Variants in VCL observed in about 807,000 individuals in gnomAD.
The protein encoded by VCL is vinculin, also known as epididymis luminal protein 114.
A neutral mutation model predicts 125.7 loss-of-function variants in VCL; 47 were observed. The observed-to-expected ratio is 0.37, with a 90% CI of 0.30 to 0.48. The LOEUF is 0.48. VCL is among the 20% of genes least tolerant of loss of function. VCL has a pLI of 0.99. For missense variants in VCL, 1,069 were observed against 1,455.5 expected (o/e 0.73, Z 4.32); for synonymous variants, 458 against 514.6 (o/e 0.89, Z 1.49).
chr10:74,072,332 C>T (rs140379347), intron 4 of VCL, among the ~76,000 whole-genome samples: 168 of 152,178 alleles, frequency 1.1e-3, no homozygotes, highest in African/African-American at 3.9e-3. Flanking sequence ...TTTTCAGCCA[C>T]TAGATTCAGT....
chr10:74,041,275 G>A (rs1841089346), intron 1 of VCL, among the ~76,000 whole-genome samples: 1 of 151,616 alleles, frequency 6.6e-6, no homozygotes, highest in Non-Finnish European at 1.5e-5. Flanking sequence ...TTAAAATATG[G>A]TTTATAAATA....
chr10:74,101,704 C>T (rs1238497503), intron 14 of VCL, among the ~76,000 whole-genome samples: 12 of 151,248 alleles, frequency 7.9e-5, no homozygotes, highest in Admixed American at 5.9e-4. Context: ...TACAGGCGCC[C>T]GCCACCGCGC....
chr10:74,031,232 C>T (rs1218017784), intron 1 of VCL, among the ~76,000 whole-genome samples: 1 of 152,164 alleles, frequency 6.6e-6, no homozygotes, highest in Non-Finnish European at 1.5e-5. Context: ...ACCATCTCCA[C>T]TTGCTTCCCC....
Position 74,061,907 on chromosome 10 carries a change from C to CTTTT in VCL, c.240-8750_240-8747dup, listed in dbSNP as rs11439344. Reference sequence around the variant, plus strand: ...TTATCTAACTAGGGTAACCAATCTACTTTTTTTTTTTTTTTTGAGACAGGA... The same window carrying CTTTT: ...TTATCTAACTAGGGTAACCAATCTACTTTTTTTTTTTTTTTTTTTTGAGACAGGA... On this transcript the variant is annotated intron_variant, in intron 2 of 21. Transcript: ENST00000211998. Among the ~76,000 whole-genome samples the CTTTT allele has an allele frequency of 1.9e-4, 25 of 129,370 alleles. 2 individuals carry two copies. The highest frequency in any genetic ancestry group is 2.1e-4 in the East Asian group (1 of 4,688). 84.9% of individuals were successfully genotyped at this position (129,370 alleles called of 152,430 possible). A position where few individuals can be genotyped will look rare whatever the true frequency, so the allele number is the denominator to read the frequency against.
intron 17 of VCL, 32 bp downstream of exon 17, chr10:74,107,386 C>T: frequency 6.2e-7 from 1 of 1,614,042 alleles, no homozygotes; most frequent in Middle Eastern, 1.6e-4. Context: ...GAGAATTGAG[C>T]AGGAAGGTGT....
rs1840347181 is a variant in VCL, at chr10:74,118,574, A to AG, written c.*408dup. The AG allele has an allele frequency of 7.1e-6, 2 of 280,404 alleles. No individual in the cohort carries two copies. The highest frequency in any genetic ancestry group is 7.6e-5 in the South Asian group (2 of 26,378). 17.4% of individuals were successfully genotyped at this position (280,404 alleles called of 1,614,324 possible). A position where few individuals can be genotyped will look rare whatever the true frequency, so the allele number is the denominator to read the frequency against. On this transcript the variant is annotated 3_prime_UTR_variant, in exon 22 of 22. Coordinates refer to ENST00000211998, the MANE Select transcript of VCL (RefSeq NM_014000.3). ...TCACTCTTCCAGAATCCCAAGACCCAGGGCCCAGGCAAATCAGTTACTAAG... is the reference window on the plus strand; with the variant it reads ...TCACTCTTCCAGAATCCCAAGACCCAGGGGCCCAGGCAAATCAGTTACTAAG...
intron 1 of VCL, among the ~76,000 whole-genome samples, chr10:74,009,461 A>G (rs948249852): frequency 4.0e-5 from 6 of 150,148 alleles, no homozygotes; most frequent in South Asian, 2.1e-4. Context: ...GAGTTTCACC[A>G]TGTTAGCCAG....
intron 8 of VCL, among the ~76,000 whole-genome samples, chr10:74,088,484 G>C (rs1839823254): frequency 6.6e-6 from 1 of 152,000 alleles, no homozygotes; most frequent in African/African-American, 2.4e-5. Flanking sequence ...TTATCATTAG[G>C]TTCATTATAA....
At chr10:74,002,456 CAG>C (rs543703518) in intron 1 of VCL, among the ~76,000 whole-genome samples, 205 of 152,002 alleles carry the variant, frequency 1.3e-3, no homozygotes, top group Admixed American at 3.9e-3. Context: ...ACTGAGGAAA[CAG>C]AGTATGATGG....
chr10:74,099,597 A>T (rs188468034), intron 13 of VCL, among the ~76,000 whole-genome samples: 7 of 152,298 alleles, frequency 4.6e-5, no homozygotes, highest in African/African-American at 1.7e-4. Context: ...CACCTGTCTC[A>T]GGGTCTGGCA....
In VCL at chr10:74,082,474, A is replaced by G. The variant is rs556334319; in HGVS notation, c.804A>G (p.Arg268=). ...WASKDTEAMK[R]ALASIDSKLN... ...AAAAGGACACTGAAGCCATGAAGAGAGCATTGGCCTCCATAGACTCCAAAC... is the reference window on the plus strand; with the variant it reads ...AAAAGGACACTGAAGCCATGAAGAGGGCATTGGCCTCCATAGACTCCAAAC... The change falls in exon 7 of 22, where the codon AGA becomes AGG. Residue 268 remains arginine (R), a synonymous_variant. Transcript: ENST00000211998. The G allele has an allele frequency of 2.7e-5, 44 of 1,614,190 alleles. No individual in the cohort carries two copies. In the South Asian group the frequency reaches 3.7e-4, roughly 14 times the overall value.
At chr10:74,022,059 T>C (rs1456181396) in intron 1 of VCL, among the ~76,000 whole-genome samples, 1 of 152,166 alleles carries the variant, frequency 6.6e-6, no homozygotes, top group Non-Finnish European at 1.5e-5. Flanking sequence ...TTTAAATTCC[T>C]TATTCTAGCT....
At chr10:74,024,965 A>G (rs974442825) in intron 1 of VCL, among the ~76,000 whole-genome samples, 13 of 152,204 alleles carry the variant, frequency 8.5e-5, no homozygotes, top group Non-Finnish European at 1.8e-4. Flanking sequence ...TTACAGAATC[A>G]CACAATATAA....
intron 2 of VCL, among the ~76,000 whole-genome samples, chr10:74,046,460 C>T (rs2136251335): frequency 6.6e-6 from 1 of 152,246 alleles, no homozygotes. Flanking sequence ...CCAGGCTGGT[C>T]TTGAATTCCT....
In VCL at chr10:74,090,053, G is replaced by A. The variant is rs757770090; in HGVS notation, c.1207G>A (p.Glu403Lys). 6.2e-7 allele frequency: 1 copy of A among 1,614,182 alleles called. No homozygotes were observed. The highest frequency in any genetic ancestry group is 8.5e-7 in the Non-Finnish European group (1 of 1,180,036). Residue 403 changes from glutamate (E) to lysine (K), a missense_variant, in exon 10 of 22, where the codon GAA becomes AAA. By Grantham distance (56) the Glu-to-Lys change is moderately conservative. This residue lies in a region of VCL where 760 missense variants were observed against 928.9 expected (regional missense o/e 0.82). Coordinates refer to ENST00000211998, the MANE Select transcript of VCL (RefSeq NM_014000.3). ...NWLADPNGGP[E>K]GEEQIRGALA... The stretch of plus-strand genomic sequence containing the variant: ...GCTTGCAGATCCAAATGGTGGACCG[G>A]AAGGAGAAGAGCAGATTCGAGGTGC...
At position 74,114,185 on chromosome 10, in the gene VCL, G is replaced by A. The variant is rs1356640375; in HGVS notation, c.2951G>A (p.Gly984Asp). The A allele has an allele frequency of 6.2e-7, 1 of 1,612,880 alleles. No homozygotes were observed. The highest frequency in any genetic ancestry group is 8.5e-7 in the Non-Finnish European group (1 of 1,179,992). ...CACTGTATCTTTGCTTCCCTCTAGG[G>A]CAATGACATCATTGCAGCAGCCAAG... The part of the protein sequence containing the change: ...HREATKWSSK[G>D]NDIIAAAKRM... Residue 984 changes from glycine (G) to aspartate (D), a missense_variant and splice_region_variant, in exon 20 of 22, where the codon GGC becomes GAC. Physicochemically the swap from Gly to Asp is moderately conservative, Grantham distance 94. Around this residue, in one of 6 missense-constraint regions of VCL, gnomAD observed 91 missense variants for 203.9 expected, o/e 0.45. Coordinates refer to ENST00000211998, the MANE Select transcript of VCL (RefSeq NM_014000.3).
chr10:74,066,090 G>A (rs1352718802), intron 2 of VCL, among the ~76,000 whole-genome samples: 2 of 129,876 alleles, frequency 1.5e-5, no homozygotes, highest in African/African-American at 2.9e-5. Context: ...ATGGAGTTTC[G>A]CTTTTGTTGC....
At chr10:74,007,677 G>T (rs925117662) in intron 1 of VCL, among the ~76,000 whole-genome samples, 6 of 151,334 alleles carry the variant, frequency 4.0e-5, no homozygotes, top group African/African-American at 1.5e-4. Flanking sequence ...TGTATTTTTA[G>T]TAGAGACAGG....
intron 6 of VCL, among the ~76,000 whole-genome samples, chr10:74,078,983 A>G (rs1260569294): frequency 6.6e-6 from 1 of 152,152 alleles, no homozygotes; most frequent in Non-Finnish European, 1.5e-5. Context: ...CTAGGATTGC[A>G]GGACTTTACT....
Sources: allele counts gnomAD v4.1 joint callset (sites outside exome capture counted in the v4.1 genomes callset), GRCh38; gene constraint gnomAD v4.1.1; regional missense constraint gnomAD v4.1.1; transcripts MANE v1.5; gene names NCBI Gene and HGNC (gene_info 2026-07-23, HGNC 2026-07-21).